KIRREL1: variants seen among roughly 807,000 people sequenced by gnomAD.
KIRREL1 encodes kin of IRRE-like protein 1.
KIRREL1 carries 25 observed loss-of-function variants against 83.3 expected under a neutral mutation model. The observed-to-expected ratio is 0.30, with a 90% CI of 0.22 to 0.42. The LOEUF (loss-of-function observed/expected upper bound fraction) is 0.42, where lower values mean the gene tolerates loss of function less well. Ranked by LOEUF, KIRREL1 falls within the 10% of genes least tolerant of loss-of-function variation. The pLI is 1.00. For synonymous variants in KIRREL1, 388 were observed against 410.4 expected (o/e 0.95, Z 0.66); for missense variants, 812 against 1,032.3 (o/e 0.79, Z 2.92).
At chr1:158,024,180 C>A (rs752244912) in intron 1 of KIRREL1, among the ~76,000 whole-genome samples, 1 of 151,326 alleles carries the variant, frequency 6.6e-6, no homozygotes, top group Non-Finnish European at 1.5e-5. Flanking sequence ...AACTCCTGAC[C>A]TCAGGTAATC....
chr1:158,023,780 C>T lies in KIRREL1; in HGVS notation c.52+30052C>T, dbSNP rs188533183. Among the ~76,000 whole-genome samples the T allele has an allele frequency of 4.3e-4, 66 of 152,262 alleles. 1 individual carries two copies. The highest frequency in any genetic ancestry group is 1.3e-4 in the Non-Finnish European group (9 of 68,024). On this transcript the variant is annotated intron_variant, in intron 1 of 14. Transcript: ENST00000359209. ...GCTTTAAGATGGAGTCAATCCAGGA[C>T]GGCTTCCTGAAAGAAGTACAATTTC...
chr1:158,092,909 A>G (rs1345622721), intron 11 of KIRREL1, among the ~76,000 whole-genome samples: 5 of 152,208 alleles, frequency 3.3e-5, no homozygotes, highest in Non-Finnish European at 5.9e-5. Flanking sequence ...CGGCAGTCAC[A>G]GTGGTATTAT....
intron 3 of KIRREL1, among the ~76,000 whole-genome samples, chr1:158,080,816 T>G (rs1661827775): frequency 6.6e-6 from 1 of 152,232 alleles, no homozygotes; most frequent in Non-Finnish European, 1.5e-5. Context: ...CCCTGCCACC[T>G]GCAGCACACG....
At chr1:158,076,300 C>A in intron 2 of KIRREL1, 38 bp downstream of exon 2, 1 of 1,597,326 alleles carries the variant, frequency 6.3e-7, no homozygotes, top group Non-Finnish European at 8.6e-7. Flanking sequence ...ACTGTCCCAT[C>A]TTCTCCGCCA....
intron 1 of KIRREL1, among the ~76,000 whole-genome samples, chr1:158,062,370 G>A (rs1187698458): frequency 2.6e-5 from 4 of 152,166 alleles, no homozygotes; most frequent in Admixed American, 6.5e-5. Context: ...TCCACTCCAG[G>A]CTTCCTCAGC....
chr1:158,032,122 T>A (rs770021208), intron 1 of KIRREL1, among the ~76,000 whole-genome samples: 1 of 151,962 alleles, frequency 6.6e-6, no homozygotes, highest in Non-Finnish European at 1.5e-5. Flanking sequence ...CAAACACACT[T>A]GCAAATGAGA....
At chr1:158,042,049 G>T (rs1201224290) in intron 1 of KIRREL1, among the ~76,000 whole-genome samples, 3 of 152,174 alleles carry the variant, frequency 2.0e-5, no homozygotes, top group East Asian at 1.9e-4. Flanking sequence ...GGAGCTCAGA[G>T]AACTTGTTCA....
intron 1 of KIRREL1, among the ~76,000 whole-genome samples, chr1:158,014,634 T>C (rs937907297): frequency 8.2e-6 from 1 of 122,246 alleles, no homozygotes; most frequent in African/African-American, 3.1e-5. Flanking sequence ...AGACCGACAC[T>C]GGGCGAGCTT....
At chr1:158,090,828 G>A (rs933608116) in intron 10 of KIRREL1, among the ~76,000 whole-genome samples, 1 of 152,216 alleles carries the variant, frequency 6.6e-6, no homozygotes, top group Non-Finnish European at 1.5e-5. Context: ...GAAATCTTGA[G>A]CATTGTCTAG....
intron 1 of KIRREL1, among the ~76,000 whole-genome samples, chr1:158,050,601 C>T (rs1660887387): frequency 6.6e-6 from 1 of 152,120 alleles, no homozygotes; most frequent in South Asian, 2.1e-4. Flanking sequence ...CCACTGAGCA[C>T]TGCAGTACAA....
At chr1:158,045,766 C>T (rs547055888) in intron 1 of KIRREL1, among the ~76,000 whole-genome samples, 3 of 152,340 alleles carry the variant, frequency 2.0e-5, no homozygotes, top group South Asian at 2.1e-4. Context: ...TCATGTGGCT[C>T]AGTGCCCTAA....
rs764800246 is a variant in KIRREL1 at position 158,078,148 on chromosome 1, C to T, written c.352+8C>T. 3 of 1,612,808 alleles carry T rather than the reference C, an allele frequency of 1.9e-6. No individual in the cohort carries two copies. The highest frequency in any genetic ancestry group is 2.7e-5 in the African/African-American group (2 of 74,904). ...CCAAACTCACCGTGCTCAGTAAGGACCCCAATACCCTTCAGTACTTCGAGG... is the reference window on the plus strand; with the variant it reads ...CCAAACTCACCGTGCTCAGTAAGGATCCCAATACCCTTCAGTACTTCGAGG... On this transcript the variant is annotated splice_region_variant and intron_variant, in intron 3 of 14. Coordinates refer to ENST00000359209, the MANE Select transcript of KIRREL1 (RefSeq NM_018240.7).
At position 158,049,521 on chromosome 1, in the gene KIRREL1, G is replaced by A. The variant is rs142950421; in HGVS notation, c.53-26592G>A. On this transcript the variant is annotated intron_variant, in intron 1 of 14. Transcript: ENST00000359209. ...AGTGCACGTTGACCAGGGTCTAACCGAATTTGAACTTCATCTGAAGTCAAT... is the reference window on the plus strand; with the variant it reads ...AGTGCACGTTGACCAGGGTCTAACCAAATTTGAACTTCATCTGAAGTCAAT... Among the ~76,000 whole-genome samples the A allele has an allele frequency of 1.7e-3, 264 of 152,312 alleles. 2 individuals carry two copies. The highest frequency in any genetic ancestry group is 5.9e-3 in the African/African-American group (247 of 41,578).
rs376242007 is a variant in KIRREL1, at chr1:158,060,757, G to A, written c.53-15356G>A. On this transcript the variant is annotated intron_variant, in intron 1 of 14. Coordinates refer to ENST00000359209, the MANE Select transcript of KIRREL1 (RefSeq NM_018240.7). ...GAAGAGTCATTTCCATGCAATACAAGGTATTGAGGAATGCTGGAGTCGGGG... is the reference window on the plus strand; with the variant it reads ...GAAGAGTCATTTCCATGCAATACAAAGTATTGAGGAATGCTGGAGTCGGGG... 2.0e-5 allele frequency among the ~76,000 whole-genome samples: 3 copies of A among 152,190 alleles called. No homozygotes were observed. The East Asian group carries it at 5.8e-4, about 29-fold the overall frequency.
chr1:158,047,586 C>T (rs1013941290), intron 1 of KIRREL1, among the ~76,000 whole-genome samples: 5 of 152,100 alleles, frequency 3.3e-5, no homozygotes, highest in African/African-American at 9.7e-5. Flanking sequence ...GATATATGGG[C>T]GGTGCTTTAT....
chr1:158,032,674 T>A (rs1660361238), intron 1 of KIRREL1, among the ~76,000 whole-genome samples: 1 of 152,180 alleles, frequency 6.6e-6, no homozygotes, highest in Non-Finnish European at 1.5e-5. Flanking sequence ...GTCCCAGGCG[T>A]AAGAACCGCC....
chr1:158,006,268 T>G (rs1659517648), intron 1 of KIRREL1, among the ~76,000 whole-genome samples: 1 of 152,200 alleles, frequency 6.6e-6, no homozygotes, highest in African/African-American at 2.4e-5. Context: ...TCATTAGTAC[T>G]CTCTGCTCAC....
At chr1:158,037,146 GC>G (rs535217028) in intron 1 of KIRREL1, among the ~76,000 whole-genome samples, 1 of 152,306 alleles carries the variant, frequency 6.6e-6, no homozygotes, top group Non-Finnish European at 1.5e-5. Flanking sequence ...TCCCACTGCT[GC>G]CACGACTAGC....
chr1:158,086,954 C>T (rs543970318), intron 5 of KIRREL1, among the ~76,000 whole-genome samples: 23 of 152,224 alleles, frequency 1.5e-4, no homozygotes, highest in African/African-American at 5.3e-4. Context: ...CAGGCAGTCC[C>T]CAGGTCTAAA....
Sources: gnomAD v4.1 joint callset for allele counts (sites outside exome capture counted in the v4.1 genomes callset) on GRCh38, gnomAD v4.1.1 for gene constraint, MANE v1.5 for transcripts, NCBI Gene and HGNC (gene_info 2026-07-23, HGNC 2026-07-21) for gene names.